GLI2: variants seen among roughly 807,000 people sequenced by gnomAD.
GLI2 encodes transcription activator GLI2.
A neutral mutation model predicts 78.9 loss-of-function variants in GLI2; 22 were observed. The ratio of observed to expected loss-of-function variants is 0.28; its 90% CI spans 0.20 to 0.40. The LOEUF is 0.40. Ranked by LOEUF, GLI2 falls within the 10% of genes least tolerant of loss-of-function variation. GLI2 has a pLI of 1.00. For synonymous variants in GLI2, 974 were observed against 963.7 expected, an observed-to-expected ratio of 1.01 and a Z score of -0.20; for missense variants, 2,097 against 2,213.2, an observed-to-expected ratio of 0.95 and a Z score of 1.05.
At chr2:120,955,144 T>G (rs1681181275) in intron 4 of GLI2, 101 bp from the exon 5 acceptor site, 12 of 769,502 alleles carry the variant, frequency 1.6e-5, no homozygotes, top group South Asian at 3.1e-5. Context: ...GGTGTGCATT[T>G]CTCTCTGCCT....
intron 2 of GLI2, among the ~76,000 whole-genome samples, chr2:120,912,277 T>C (rs1286238843): frequency 6.7e-6 from 1 of 149,800 alleles, no homozygotes; most frequent in Non-Finnish European, 1.5e-5. Flanking sequence ...GCAAGAGGTT[T>C]TTTTTTTTTT....
intron 3 of GLI2, among the ~76,000 whole-genome samples, chr2:120,936,816 G>T (rs984285322): frequency 2.0e-5 from 3 of 152,170 alleles, no homozygotes; most frequent in African/African-American, 7.2e-5. Context: ...ACTCATTGTT[G>T]CTGGATTTAT....
At chr2:120,830,908 C>T (rs567094975) in intron 2 of GLI2, among the ~76,000 whole-genome samples, 12 of 152,014 alleles carry the variant, frequency 7.9e-5, no homozygotes, top group African/African-American at 2.7e-4. Flanking sequence ...GGTCCCTGTC[C>T]TGGATCACTC....
In GLI2 at chr2:120,807,168, TG is replaced by T. The variant is rs1684997265; in HGVS notation, c.148+9701del. ...GCTTGGGCAAGCCCCCTGGGGACGA[TG>T]CAGGGAGCCATCAGCCCCAGGACAC... is the stretch of plus-strand genomic sequence containing the variant. On this transcript the variant is annotated intron_variant, in intron 2 of 13. Coordinates refer to ENST00000361492, the MANE Select transcript of GLI2 (RefSeq NM_001374353.1). Among the ~76,000 whole-genome samples the T allele has an allele frequency of 3.3e-5, 5 of 152,092 alleles. No homozygotes were observed. In the South Asian group the frequency reaches 1.0e-3, roughly 32 times the overall value.
intron 1 of GLI2, among the ~76,000 whole-genome samples, chr2:120,770,560 G>A (rs1683492812): frequency 6.6e-6 from 1 of 152,208 alleles, no homozygotes; most frequent in Admixed American, 6.5e-5. Context: ...ATTGCTGGAC[G>A]ACAGCCACAC....
rs148462590 is a variant in GLI2, at chr2:120,737,483, C to T, written c.-31+1198C>T. On this transcript the variant is annotated intron_variant, in intron 1 of 13. Coordinates refer to ENST00000361492, the MANE Select transcript of GLI2 (RefSeq NM_001374353.1). The surrounding 1 kb of genome is among the most constrained non-coding windows in gnomAD (Gnocchi z 4.3). ...GTTCTGTGGCTCCTAGAGTTGATCC[C>T]AGCTGGAAAAGTAGACCTGTCCCTA... Among the ~76,000 whole-genome samples the T allele has an allele frequency of 4.1e-3, 626 of 152,288 alleles. 4 individuals carry two copies. The highest frequency in any genetic ancestry group is 0.014 in the African/African-American group (585 of 41,558).
intron 2 of GLI2, among the ~76,000 whole-genome samples, chr2:120,832,261 G>C (rs1686398980): frequency 6.6e-6 from 1 of 152,168 alleles, no homozygotes; most frequent in Non-Finnish European, 1.5e-5. Context: ...GGAGACCTGG[G>C]GTCAATGACT....
chr2:120,948,407 C>G (rs1262043004), intron 3 of GLI2, among the ~76,000 whole-genome samples: 2 of 152,120 alleles, frequency 1.3e-5, no homozygotes, highest in African/African-American at 4.8e-5. Context: ...TCCTGACTCC[C>G]TTGGTGATGC....
At chr2:120,874,081 C>T (rs1688604591) in intron 2 of GLI2, among the ~76,000 whole-genome samples, 1 of 152,124 alleles carries the variant, frequency 6.6e-6, no homozygotes, top group Non-Finnish European at 1.5e-5. Context: ...CTGCCTCCTC[C>T]TCACCCCAGA....
At chr2:120,903,608 T>A (rs1004652432) in intron 2 of GLI2, among the ~76,000 whole-genome samples, 4 of 152,034 alleles carry the variant, frequency 2.6e-5, no homozygotes, top group Non-Finnish European at 5.9e-5. Flanking sequence ...GCTCTTGGAG[T>A]CAGACTTAGC....
chr2:120,942,650 C>G (rs543614579), intron 3 of GLI2, among the ~76,000 whole-genome samples: 1 of 152,332 alleles, frequency 6.6e-6, no homozygotes, highest in South Asian at 2.1e-4. Context: ...CCCTCTGCTC[C>G]TCACAACAGA....
At chr2:120,877,206 A>G (rs541996275) in intron 2 of GLI2, among the ~76,000 whole-genome samples, 3 of 152,280 alleles carry the variant, frequency 2.0e-5, no homozygotes, top group South Asian at 2.1e-4. Flanking sequence ...CAGCTTGCCT[A>G]TCACACCACA....
At chr2:120,902,058 G>A (rs1678285355) in intron 2 of GLI2, among the ~76,000 whole-genome samples, 1 of 151,942 alleles carries the variant, frequency 6.6e-6, no homozygotes, top group African/African-American at 2.4e-5. Flanking sequence ...ACCAGCTTGT[G>A]AGAGCTGGTT....
chr2:120,912,864 G>A (rs566967814), intron 2 of GLI2, among the ~76,000 whole-genome samples: 13 of 152,206 alleles, frequency 8.5e-5, no homozygotes, highest in East Asian at 5.8e-4. Context: ...AGCTCTGCGC[G>A]GAGAGGTCAA....
intron 2 of GLI2, among the ~76,000 whole-genome samples, chr2:120,906,992 C>T (rs1223039634): frequency 6.6e-6 from 1 of 152,150 alleles, no homozygotes; most frequent in Non-Finnish European, 1.5e-5. Flanking sequence ...TTGTCTGCAG[C>T]ATCACACACA....
intron 2 of GLI2, among the ~76,000 whole-genome samples, chr2:120,918,220 C>T (rs1296445752): frequency 6.6e-6 from 1 of 152,162 alleles, no homozygotes; most frequent in Non-Finnish European, 1.5e-5. Flanking sequence ...TGAACTACAT[C>T]GTATCCCTAG....
intron 2 of GLI2, among the ~76,000 whole-genome samples, chr2:120,914,960 T>C (rs1006343234): frequency 6.6e-6 from 1 of 152,216 alleles, no homozygotes; most frequent in Non-Finnish European, 1.5e-5. Context: ...TCAAGGCCAC[T>C]GTTGCAGGGA....
At chr2:120,876,419 G>A (rs926827709) in intron 2 of GLI2, among the ~76,000 whole-genome samples, 1 of 152,174 alleles carries the variant, frequency 6.6e-6, no homozygotes, top group African/African-American at 2.4e-5. Flanking sequence ...CCAAAATGGT[G>A]GCAGTGGGTC....
intron 3 of GLI2, among the ~76,000 whole-genome samples, chr2:120,947,668 C>A (rs997898379): frequency 2.0e-5 from 3 of 152,182 alleles, no homozygotes; most frequent in African/African-American, 2.4e-5. Flanking sequence ...AAACCCCCTA[C>A]CAGGTGCCCG....
Sources: gnomAD v4.1 joint callset for allele counts (sites outside exome capture counted in the v4.1 genomes callset) on GRCh38, gnomAD v4.1.1 for gene constraint, Gnocchi (gnomAD v3.1) non-coding constraint, MANE v1.5 for transcripts, NCBI Gene and HGNC (gene_info 2026-07-23, HGNC 2026-07-21) for gene names.